Variants in PDK1 observed in about 807,000 individuals in gnomAD.
PDK1 encodes pyruvate dehydrogenase kinase 1.
In PDK1, 39 loss-of-function variants were observed where a neutral mutation model predicts 54.2. The observed-to-expected ratio is 0.72, with a 90% CI of 0.56 to 0.94. The LOEUF (loss-of-function observed/expected upper bound fraction) is 0.94, where lower values mean the gene tolerates loss of function less well. PDK1 is among the 40% of genes least tolerant of loss of function. PDK1 has a pLI of 0.00. For missense variants in PDK1, 552 were observed against 566.0 expected (o/e 0.98, Z 0.25); for synonymous variants, 221 against 207.1 (o/e 1.07, Z -0.58).
chr2:172,592,368 T>C (rs1690639220), intron 9 of PDK1, among the ~76,000 whole-genome samples: 1 of 152,180 alleles, frequency 6.6e-6, no homozygotes, highest in Non-Finnish European at 1.5e-5. Flanking sequence ...TCTCTGACTT[T>C]TTGTGTCTCT....
the PDK1 span, chr2:172,723,273 A>C: frequency 8.5e-5 from 13 of 152,196 alleles, no homozygotes; most frequent in Non-Finnish European, 1.5e-4. Flanking sequence ...TTATTATACT[A>C]TTCTTTTGAT....
At chr2:172,583,054 A>G (rs1024917841) in intron 8 of PDK1, among the ~76,000 whole-genome samples, 1 of 152,160 alleles carries the variant, frequency 6.6e-6, no homozygotes, top group African/African-American at 2.4e-5. Flanking sequence ...TTATCTTAGT[A>G]TCTATTCTAA....
the PDK1 span, among the ~76,000 whole-genome samples, chr2:172,695,074 C>G: frequency 1.7e-4 from 26 of 152,074 alleles, no homozygotes; most frequent in Non-Finnish European, 3.5e-4. Flanking sequence ...GCCTATATGA[C>G]GCCACTGCAC....
chr2:172,562,193 A>T (rs1476734922), intron 2 of PDK1, 27 bp from the exon 3 acceptor site: 8 of 1,284,144 alleles, frequency 6.2e-6, no homozygotes, highest in Non-Finnish European at 9.0e-6. Context: ...TAAAAGAACA[A>T]ACTTATCCTA....
At chr2:172,610,013 G>C (rs1440439923), downstream of PDK1, among the ~76,000 whole-genome samples, 1 of 151,980 alleles carries the variant, frequency 6.6e-6, no homozygotes, top group African/African-American at 2.4e-5. Context: ...GTAGAGACAG[G>C]GTTTCACCAT....
chr2:172,565,114 A>G, intron 5 of PDK1, 41 bp downstream of exon 5: 1 of 1,179,056 alleles, frequency 8.5e-7, no homozygotes, highest in Non-Finnish European at 1.3e-6. Flanking sequence ...AGATACAAAA[A>G]TCAAAATTAT....
chr2:172,710,676 C>G, the PDK1 span, among the ~76,000 whole-genome samples: 145 of 152,332 alleles, frequency 9.5e-4, 1 homozygote, highest in African/African-American at 3.2e-3. Context: ...CTTCTTTTCT[C>G]TATACCAGCC....
chr2:172,643,212 TG>T, the PDK1 span, among the ~76,000 whole-genome samples: 1 of 152,206 alleles, frequency 6.6e-6, no homozygotes, highest in African/African-American at 2.4e-5. Flanking sequence ...TTATGGACAT[TG>T]GGGCTGAAAA....
chr2:172,672,071 G>A, the PDK1 span, among the ~76,000 whole-genome samples: 8 of 152,244 alleles, frequency 5.3e-5, no homozygotes, highest in East Asian at 1.9e-4. Flanking sequence ...TAAGGAGAGC[G>A]TACTTGACTT....
At position 172,602,929 on chromosome 2, in the gene PDK1, T is replaced by C. The variant is rs1691162390; in HGVS notation, c.*6960T>C. The C allele has an allele frequency of 6.6e-6, 1 of 152,230 alleles. No homozygotes were observed. Among genetic ancestry groups the C allele is most frequent in the African/African-American group, 2.4e-5 (1 of 41,468 alleles). The allele number at this position is 152,230 out of a possible 1,614,324, so 9.4% of individuals were successfully genotyped here. The stretch of plus-strand genomic sequence containing the variant: ...TGCCTCATTTGCTGTGGTGCACAGC[T>C]GAACTTGATTGTTACTCTTGGATCA... On this transcript the variant is annotated 3_prime_UTR_variant, in exon 11 of 11. Coordinates refer to ENST00000282077, the MANE Select transcript of PDK1 (RefSeq NM_002610.5).
the PDK1 span, among the ~76,000 whole-genome samples, chr2:172,636,567 A>G: frequency 6.6e-6 from 1 of 152,190 alleles, no homozygotes; most frequent in Middle Eastern, 3.4e-3. Context: ...CTAAAAATAC[A>G]AAAATTAGCT....
intron 2 of PDK1, among the ~76,000 whole-genome samples, chr2:172,560,358 G>A (rs1688590470): frequency 6.6e-6 from 1 of 152,044 alleles, no homozygotes. Flanking sequence ...GTAGAGATGG[G>A]GGTCTCACTT....
chr2:172,625,409 C>T, the PDK1 span, among the ~76,000 whole-genome samples: 1 of 152,154 alleles, frequency 6.6e-6, no homozygotes, highest in African/African-American at 2.4e-5. Context: ...CCTGTGTGTC[C>T]TTTCTCCAGG....
chr2:172,578,737 A>AT lies in PDK1; in HGVS notation c.946-7527dup, dbSNP rs397873817. 4.5e-3 allele frequency among the ~76,000 whole-genome samples: 629 copies of AT among 141,144 alleles called. 2 individuals carry two copies. The highest frequency in any genetic ancestry group is 0.014 in the South Asian group (62 of 4,502). The allele number at this position is 141,144 out of a possible 152,430, so 92.6% of individuals were successfully genotyped here. ...AGGCTGTCTTTGTTGTTGTTTTGTA[A>AT]TTTTTTTTTTTTTTGGAGTTAATTC... On this transcript the variant is annotated intron_variant, in intron 8 of 10. Coordinates refer to ENST00000282077, the MANE Select transcript of PDK1 (RefSeq NM_002610.5).
chr2:172,614,991 T>TCAGG, the PDK1 span, among the ~76,000 whole-genome samples: 30,646 of 152,176 alleles, frequency 0.2, 3,538 homozygotes, highest in African/African-American at 0.3. Context: ...TATTGTGTAC[T>TCAGG]AATACTGTTT....
chr2:172,706,827 G>A, the PDK1 span, among the ~76,000 whole-genome samples: 1 of 152,192 alleles, frequency 6.6e-6, no homozygotes, highest in Non-Finnish European at 1.5e-5. Context: ...TCTTTGACAG[G>A]GCAGGTGGGG....
chr2:172,615,524 G>C, the PDK1 span, among the ~76,000 whole-genome samples: 1 of 152,080 alleles, frequency 6.6e-6, no homozygotes, highest in African/African-American at 2.4e-5. Flanking sequence ...TCGGGAGGCT[G>C]AGGCAGGAGA....
chr2:172,692,765 C>T, the PDK1 span, among the ~76,000 whole-genome samples: 8 of 152,280 alleles, frequency 5.3e-5, no homozygotes, highest in Admixed American at 5.2e-4. Flanking sequence ...CATGTGGTAT[C>T]TGCATTTAAT....
At chr2:172,657,896 T>C in the PDK1 span, among the ~76,000 whole-genome samples, 1 of 152,178 alleles carries the variant, frequency 6.6e-6, no homozygotes, top group African/African-American at 2.4e-5. Flanking sequence ...GCAAGAAACA[T>C]GATGCCGGCA....
Sources: allele counts gnomAD v4.1 joint callset (sites outside exome capture counted in the v4.1 genomes callset), GRCh38; gene constraint gnomAD v4.1.1; transcripts MANE v1.5; gene names NCBI Gene and HGNC (gene_info 2026-07-23, HGNC 2026-07-21).